PARP4: variants seen among roughly 807,000 people sequenced by gnomAD.
PARP4 encodes the protein poly(ADP-ribose) polymerase family member 4.
In PARP4, 120 loss-of-function variants were observed where a neutral mutation model predicts 187.7. The observed-to-expected ratio is 0.64, with a 90% CI of 0.55 to 0.74. PARP4 has a LOEUF of 0.74. Among genes scored for constraint, PARP4 ranks in the 30% least tolerant of loss-of-function variants. The pLI is 0.00. For missense variants in PARP4, 1,836 were observed against 2,070.5 expected (o/e 0.89, Z 2.20); for synonymous variants, 654 against 740.9 (o/e 0.88, Z 1.90).
At position 24,427,978 on chromosome 13, in the gene PARP4, C is replaced by T. The variant is rs7335766; in HGVS notation, c.4847-1380G>A. ...TGATGAAATACCTAATGTGTATCAG[C>T]GTCATTTAAAAAACAAATTCAGAAG... On this transcript the variant is annotated intron_variant, in intron 32 of 33. Transcript: ENST00000381989. 6.0e-3 allele frequency among the ~76,000 whole-genome samples: 909 copies of T among 151,730 alleles called. 9 individuals are homozygous for T. The highest frequency in any genetic ancestry group is 0.021 in the African/African-American group (861 of 41,328).
chr13:24,443,171 T>C (rs1871031141), intron 28 of PARP4, among the ~76,000 whole-genome samples: 1 of 132,056 alleles, frequency 7.6e-6, no homozygotes, highest in Admixed American at 7.5e-5. Flanking sequence ...GAAGATCTCA[T>C]CCCTCAGAGA....
chr13:24,443,785 T>G, intron 27 of PARP4, 55 bp from the exon 28 acceptor site: 1 of 1,198,736 alleles, frequency 8.3e-7, no homozygotes, highest in Non-Finnish European at 1.2e-6. Flanking sequence ...AATATAAGAC[T>G]TGCAAAGAAC....
intron 33 of PARP4, among the ~76,000 whole-genome samples, chr13:24,425,884 T>C (rs1190053470): frequency 2.0e-5 from 3 of 151,494 alleles, no homozygotes; most frequent in African/African-American, 4.9e-5. Flanking sequence ...ATGGGTGGGG[T>C]GGGGTATTCA....
rs147034023 is a variant in PARP4, at chr13:24,422,520, T to G, written c.4980-1206A>C. 1.8e-3 allele frequency among the ~76,000 whole-genome samples: 269 copies of G among 152,304 alleles called. 1 individual carries two copies. The highest frequency in any genetic ancestry group is 6.2e-3 in the African/African-American group (258 of 41,556). Reference sequence around the variant, plus strand: ...AGAAAATCTTGTGCCTACACCCCCATATAATGTGCTCTTGCATCAATGTTA... The same window carrying G: ...AGAAAATCTTGTGCCTACACCCCCAGATAATGTGCTCTTGCATCAATGTTA... On this transcript the variant is annotated intron_variant, in intron 33 of 33. Transcript: ENST00000381989.
chr13:24,499,265 T>TG (rs751625663), intron 5 of PARP4, 36 bp downstream of exon 5: 9 of 1,410,722 alleles, frequency 6.4e-6, no homozygotes, highest in African/African-American at 1.5e-5. Flanking sequence ...AGGTGTGTTT[T>TG]TTTTTTTTTT....
Position 24,435,123 on chromosome 13 carries a change from A to T in PARP4, c.4018T>A (p.Ser1340Thr), listed in dbSNP as rs140043802. The part of the protein sequence containing the change: ...TARAHSPASL[S>T]FASYRQVASF... ...GCTACCTGACGATATGAGGCAAAAG[A>T]CAAGGAAGCAGGACTGTGAGCGCGG... is the stretch of plus-strand genomic sequence containing the variant. Residue 1340 changes from serine to threonine, a missense_variant, in exon 31 of 34, where the codon TCT (serine) becomes ACT (threonine). By Grantham distance (58) the Ser-to-Thr change is moderately conservative. This residue lies in a region of PARP4 where 450 missense variants were observed against 439.2 expected (regional missense o/e 1.02). Coordinates refer to ENST00000381989, the MANE Select transcript of PARP4 (RefSeq NM_006437.4). 6 of 1,614,088 alleles carry T rather than the reference A, an allele frequency of 3.7e-6. No individual in the cohort carries two copies. The African/African-American group carries it at 6.7e-5, about 18-fold the overall frequency.
chr13:24,454,038 A>T (rs12323014), intron 22 of PARP4, among the ~76,000 whole-genome samples: 8,037 of 151,476 alleles, frequency 0.053, 688 homozygotes, highest in African/African-American at 0.18. Context: ...CAGAGGTTGC[A>T]GTGAGCTGAG....
At chr13:24,478,602 T>G (rs188365685) in intron 12 of PARP4, among the ~76,000 whole-genome samples, 313 of 152,064 alleles carry the variant, frequency 2.1e-3, no homozygotes, top group Non-Finnish European at 1.6e-3. Context: ...CTAGCTAACT[T>G]TTAAAATTTT....
At chr13:24,453,535 TAAAGCATGGTAGGAA>T (rs1871647345) in intron 23 of PARP4, 37 bp downstream of exon 23, 1 of 1,158,944 alleles carries the variant, frequency 8.6e-7, no homozygotes, top group Non-Finnish European at 1.3e-6. Flanking sequence ...GAGGTCCCCT[TAAAGCATGGTAGGAA>T]AAGACCCAGG....
chr13:24,459,865 A>T (rs1226771715), intron 18 of PARP4, 107 bp downstream of exon 18: 1 of 862,278 alleles, frequency 1.2e-6, no homozygotes, highest in Admixed American at 3.0e-5. Context: ...TATGCCTAAA[A>T]GATTATTTTA....
In PARP4 at chr13:24,476,948, A is replaced by G. The variant is rs554686282; in HGVS notation, c.1789+753T>C. ...GAGAGAAGGTGGAGCGCAAAAGGTC[A>G]TGCAGTTTCAAAACTGCAAGGTGGC... On this transcript the variant is annotated intron_variant, in intron 14 of 33. Transcript: ENST00000381989. 8.5e-4 allele frequency among the ~76,000 whole-genome samples: 130 copies of G among 152,314 alleles called. 1 individual carries two copies. Among genetic ancestry groups the G allele is most frequent in the African/African-American group, 3.0e-3 (125 of 41,570 alleles).
rs772161073 is a variant in PARP4 at position 24,421,068 on chromosome 13, T to C, written c.*51A>G. The C allele has an allele frequency of 2.2e-5, 30 of 1,364,598 alleles. No homozygotes were observed. In the African/African-American group the frequency reaches 4.2e-4, roughly 19 times the overall value. The allele number at this position is 1,364,598 out of a possible 1,614,324, so 84.5% of individuals were successfully genotyped here. On this transcript the variant is annotated 3_prime_UTR_variant, in exon 34 of 34. Coordinates refer to ENST00000381989, the MANE Select transcript of PARP4 (RefSeq NM_006437.4). ...TTATAAGTATCTATTATCATTTGAT[T>C]ATTTTCTACATAGAAGCATGCAAAA...
At position 24,512,736 on chromosome 13, in the gene PARP4, C is replaced by G. The variant is rs1870090357; in HGVS notation, c.-32G>C. The G allele has an allele frequency of 6.6e-6, 1 of 152,340 alleles. No individual in the cohort carries two copies. The highest frequency in any genetic ancestry group is 2.4e-5 in the African/African-American group (1 of 41,474). The allele number at this position is 152,340 out of a possible 1,614,324, so 9.4% of individuals were successfully genotyped here. A position where few individuals can be genotyped will look rare whatever the true frequency, so the allele number is the denominator to read the frequency against. On this transcript the variant is annotated 5_prime_UTR_variant, in exon 1 of 34. Transcript: ENST00000381989. ...TAGAGGATCCAGCTAGCTCCGGACGCTCCCCGATTCCGCGCTCCTTGCTCG... is the reference window on the plus strand; with the variant it reads ...TAGAGGATCCAGCTAGCTCCGGACGGTCCCCGATTCCGCGCTCCTTGCTCG...
At chr13:24,449,603 G>C (rs1871400392) in intron 25 of PARP4, 115 bp downstream of exon 25, 4 of 623,702 alleles carry the variant, frequency 6.4e-6, no homozygotes, top group Non-Finnish European at 1.2e-5. Context: ...GGCAGTGCTT[G>C]CCTCTTTACG....
At chr13:24,446,951 A>G in intron 26 of PARP4, 65 bp downstream of exon 26, 1 of 1,529,324 alleles carries the variant, frequency 6.5e-7, no homozygotes, top group South Asian at 1.3e-5. Context: ...AGGGAAGAAG[A>G]CAGAAAAAAA....
At chr13:24,496,208 C>G (rs1868944728) in intron 6 of PARP4, among the ~76,000 whole-genome samples, 1 of 152,168 alleles carries the variant, frequency 6.6e-6, no homozygotes, top group Non-Finnish European at 1.5e-5. Flanking sequence ...TGTTTTTCAC[C>G]TTCATTTTTA....
In PARP4 at chr13:24,478,165, T is replaced by G; in HGVS notation, c.1560A>C (p.Leu520Phe). 6.2e-7 allele frequency: 1 copy of G among 1,613,772 alleles called. No individual in the cohort carries two copies. Among genetic ancestry groups the G allele is most frequent in the Non-Finnish European group, 8.5e-7 (1 of 1,179,770 alleles). Residue 520 changes from leucine (L) to phenylalanine (F), a missense_variant, in exon 13 of 34, where the codon TTA (leucine) becomes TTC (phenylalanine). By Grantham distance (22) the Leu-to-Phe change is conservative. Around this residue, in one of 8 missense-constraint regions of PARP4, gnomAD observed 1,147 missense variants for 1,214.2 expected, o/e 0.94. Transcript: ENST00000381989. ...TGTCGTAGCCTGGTGGTGCTTCAGTTAAGGAAAAGTCCTTCTCATGTAAGT... is the reference window on the plus strand; with the variant it reads ...TGTCGTAGCCTGGTGGTGCTTCAGTGAAGGAAAAGTCCTTCTCATGTAAGT... ...CMDLHEKDFS[L>F]TEAPPGYDSV...
intron 7 of PARP4, 88 bp downstream of exon 7, chr13:24,494,485 G>A: frequency 8.0e-7 from 1 of 1,243,908 alleles, no homozygotes; most frequent in Non-Finnish European, 1.1e-6. Context: ...GAGCCACGAA[G>A]CCTGGCCCAG....
At chr13:24,448,071 T>G (rs1218156938) in intron 25 of PARP4, among the ~76,000 whole-genome samples, 2 of 149,578 alleles carry the variant, frequency 1.3e-5, no homozygotes, top group Non-Finnish European at 3.0e-5. Context: ...GTGGTGTGGG[T>G]GTGGTGGTGT....
Sources: allele counts gnomAD v4.1 joint callset (sites outside exome capture counted in the v4.1 genomes callset), GRCh38; gene constraint gnomAD v4.1.1; regional missense constraint gnomAD v4.1.1; transcripts MANE v1.5; gene names NCBI Gene and HGNC (gene_info 2026-07-23, HGNC 2026-07-21).